Variants in CTNNA2 observed in about 807,000 individuals in gnomAD.
The protein encoded by CTNNA2 is catenin alpha 2.
CTNNA2 carries 42 observed loss-of-function variants against 101.0 expected under a neutral mutation model. The observed-to-expected ratio is 0.42, with a 90% CI of 0.32 to 0.54. The LOEUF is 0.54. CTNNA2 is among the 20% of genes least tolerant of loss of function. The pLI, the probability that CTNNA2 is intolerant of heterozygous loss-of-function variation, is 0.14. For synonymous variants in CTNNA2, 450 were observed against 456.4 expected (o/e 0.99, Z 0.18); for missense variants, 871 against 1,223.1 (o/e 0.71, Z 4.29).
chr2:79,945,623 C>T (rs148265384), intron 7 of CTNNA2, among the ~76,000 whole-genome samples: 6 of 152,242 alleles, frequency 3.9e-5, no homozygotes, highest in Admixed American at 1.3e-4. Context: ...CAGCAAAGCA[C>T]TAGGTTTTTG....
intron 2 of CTNNA2, among the ~76,000 whole-genome samples, chr2:79,220,188 G>A (rs1451461528): frequency 6.7e-6 from 1 of 149,166 alleles, no homozygotes; most frequent in Non-Finnish European, 1.5e-5. Flanking sequence ...ATATATATAT[G>A]TGTGTGTGTG....
chr2:79,721,334 A>G (rs1319764633), intron 2 of CTNNA2, among the ~76,000 whole-genome samples: 1 of 152,184 alleles, frequency 6.6e-6, no homozygotes, highest in African/African-American at 2.4e-5. Context: ...ATAAAATGGC[A>G]GAAGGCATCA....
intron 8 of CTNNA2, among the ~76,000 whole-genome samples, chr2:80,405,507 A>G (rs932007917): frequency 3.9e-5 from 6 of 152,202 alleles, no homozygotes; most frequent in Non-Finnish European, 8.8e-5. Context: ...GTTTCTCTAT[A>G]ATAATTATAA....
rs116793945 is a variant in CTNNA2 at position 79,621,225 on chromosome 2, G to A, written c.-5-30327G>A. Among the ~76,000 whole-genome samples, 216 of 152,234 alleles carry A rather than the reference G, an allele frequency of 1.4e-3. 1 individual carries two copies. Among genetic ancestry groups the A allele is most frequent in the African/African-American group, 5.0e-3 (207 of 41,530 alleles). ...AGTTAGTCTACACACATGTTTTTCT[G>A]TGCTCCCTTAGCTGAGAGGACCTAG... is the stretch of plus-strand genomic sequence containing the variant. On this transcript the variant is annotated intron_variant, in intron 1 of 18. Transcript: ENST00000402739.
chr2:80,633,567 A>T, intron 18 of CTNNA2, among the ~76,000 whole-genome samples: 1 of 152,214 alleles, frequency 6.6e-6, no homozygotes, highest in East Asian at 1.9e-4. Flanking sequence ...AGCCAGGAAT[A>T]AAGACTTAGG....
At position 79,491,080 on chromosome 2, in the gene CTNNA2, T is replaced by A. The variant is rs1268527435; in HGVS notation, c.-134-13974T>A. Among the ~76,000 whole-genome samples, 5 of 152,094 alleles carry A rather than the reference T, an allele frequency of 3.3e-5. No homozygotes were observed. The South Asian group carries it at 8.3e-4, about 25-fold the overall frequency. On this transcript the variant is annotated intron_variant, in intron 4 of 21. Coordinates refer to the CTNNA2 transcript ENST00000466387. ...AAATTATAGAGGAAGAGGAAAAAAA[T>A]TTGAAAATAATCTGGGGTTCACTAG...
At chr2:80,613,708 A>C (rs1453653899) in intron 17 of CTNNA2, among the ~76,000 whole-genome samples, 1 of 151,524 alleles carries the variant, frequency 6.6e-6, no homozygotes, top group Non-Finnish European at 1.5e-5. Flanking sequence ...GGGAAATACT[A>C]TGTTCCAATA....
chr2:79,403,477 GGGGGGACCAT>G (rs1254124653), intron 4 of CTNNA2, among the ~76,000 whole-genome samples: 1 of 151,894 alleles, frequency 6.6e-6, no homozygotes, highest in African/African-American at 2.4e-5. Context: ...CCAGATGGCT[GGGGGGACCAT>G]GTTAAACAGT....
intron 15 of CTNNA2, among the ~76,000 whole-genome samples, chr2:80,598,633 A>G (rs1697197012): frequency 6.6e-6 from 1 of 152,182 alleles, no homozygotes; most frequent in South Asian, 2.1e-4. Context: ...AACTACTCAA[A>G]TGTCCTTCAT....
chr2:79,276,450 T>G (rs1675214995), intron 2 of CTNNA2, among the ~76,000 whole-genome samples: 1 of 152,076 alleles, frequency 6.6e-6, no homozygotes, highest in South Asian at 2.1e-4. Flanking sequence ...TTACCTTCAT[T>G]GTAGATTATA....
At chr2:80,001,476 C>T (rs940549302) in intron 7 of CTNNA2, among the ~76,000 whole-genome samples, 3 of 152,092 alleles carry the variant, frequency 2.0e-5, no homozygotes, top group African/African-American at 7.2e-5. Flanking sequence ...TCAAAACAAA[C>T]CTTTGAAGTA....
intron 7 of CTNNA2, among the ~76,000 whole-genome samples, chr2:80,007,116 C>T (rs1021442132): frequency 2.0e-5 from 3 of 152,108 alleles, no homozygotes; most frequent in Non-Finnish European, 4.4e-5. Context: ...ATTCATATGT[C>T]AGTTCCACAT....
intron 12 of CTNNA2, among the ~76,000 whole-genome samples, chr2:80,571,429 C>T (rs1270585456): frequency 6.6e-6 from 1 of 152,066 alleles, no homozygotes; most frequent in African/African-American, 2.4e-5. Flanking sequence ...TCTTTTTAAA[C>T]ATGTGAATTA....
chr2:79,757,975 A>G (rs1448783106), intron 3 of CTNNA2, among the ~76,000 whole-genome samples: 3 of 152,226 alleles, frequency 2.0e-5, no homozygotes, highest in African/African-American at 7.2e-5. Context: ...TATTCTTGCT[A>G]CAACTGGACA....
At chr2:79,582,491 G>A (rs2103912461) in intron 1 of CTNNA2, among the ~76,000 whole-genome samples, 2 of 152,182 alleles carry the variant, frequency 1.3e-5, no homozygotes, top group South Asian at 4.2e-4. Context: ...ATCTCCGCAT[G>A]CTCAAATATG....
chr2:79,838,746 G>A (rs1679574656), intron 3 of CTNNA2, among the ~76,000 whole-genome samples: 1 of 152,016 alleles, frequency 6.6e-6, no homozygotes, highest in Non-Finnish European at 1.5e-5. Flanking sequence ...GAAAGGTAGA[G>A]GACTGTGTAG....
intron 4 of CTNNA2, among the ~76,000 whole-genome samples, chr2:79,467,176 C>G (rs1462012871): frequency 6.6e-6 from 1 of 152,116 alleles, no homozygotes; most frequent in Non-Finnish European, 1.5e-5. Context: ...GTAGAGAAGT[C>G]CTTAAAAGAC....
intron 4 of CTNNA2, among the ~76,000 whole-genome samples, chr2:79,504,859 C>T (rs1191015634): frequency 6.6e-6 from 1 of 152,146 alleles, no homozygotes; most frequent in Non-Finnish European, 1.5e-5. Flanking sequence ...TATTTGACTA[C>T]TTTGCCGCTT....
rs980660402 is a variant in CTNNA2 at position 79,423,657 on chromosome 2, G to C, written c.-135+49644G>C. ...AGATAAACATCCCACTTTATAGATT[G>C]TTTATTTCAACTGAAGTGAGCTTTA... On this transcript the variant is annotated intron_variant, in intron 4 of 21. Coordinates refer to the CTNNA2 transcript ENST00000466387. Among the ~76,000 whole-genome samples, 6 of 152,150 alleles carry C rather than the reference G, an allele frequency of 3.9e-5. No individual in the cohort carries two copies. In the South Asian group the frequency reaches 1.0e-3, roughly 26 times the overall value.
Sources: allele counts gnomAD v4.1 joint callset (sites outside exome capture counted in the v4.1 genomes callset), GRCh38; gene constraint gnomAD v4.1.1; transcripts MANE v1.5; gene names NCBI Gene and HGNC (gene_info 2026-07-23, HGNC 2026-07-21).